SPAG16: variants seen among roughly 807,000 people sequenced by gnomAD.
The protein encoded by SPAG16 is sperm associated antigen 16, also known as sperm-associated antigen 16 protein.
A neutral mutation model predicts 80.4 loss-of-function variants in SPAG16; 86 were observed. The observed-to-expected ratio is 1.07, with a 90% CI of 0.90 to 1.28. The LOEUF (loss-of-function observed/expected upper bound fraction) is 1.28. SPAG16 is among the 50% of genes most tolerant of loss of function. The pLI is 0.00. For synonymous variants in SPAG16, 294 were observed against 265.9 expected, an observed-to-expected ratio of 1.11 and a Z score of -1.03; for missense variants, 870 against 765.3, an observed-to-expected ratio of 1.14 and a Z score of -1.61.
chr2:213,743,208 G>C (rs978104210), intron 10 of SPAG16, among the ~76,000 whole-genome samples: 1 of 152,266 alleles, frequency 6.6e-6, no homozygotes, highest in East Asian at 1.9e-4. Flanking sequence ...CGGCTGTATT[G>C]TTGTTTTTTA....
chr2:213,529,068 C>T (rs959234588), intron 10 of SPAG16, among the ~76,000 whole-genome samples: 1 of 152,060 alleles, frequency 6.6e-6, no homozygotes, highest in Non-Finnish European at 1.5e-5. Context: ...GATAATATTT[C>T]TTTGTAGGAT....
At chr2:213,718,254 A>T (rs950818371) in intron 10 of SPAG16, among the ~76,000 whole-genome samples, 2 of 152,202 alleles carry the variant, frequency 1.3e-5, no homozygotes, top group African/African-American at 4.8e-5. Context: ...AAATGAAAAA[A>T]GCTCATAATC....
chr2:213,787,845 T>C (rs2070439776), intron 10 of SPAG16, among the ~76,000 whole-genome samples: 1 of 152,016 alleles, frequency 6.6e-6, no homozygotes, highest in Non-Finnish European at 1.5e-5. Context: ...CTCTTTTACA[T>C]AGGAATACAA....
At chr2:213,883,945 T>G (rs1163659604) in intron 11 of SPAG16, among the ~76,000 whole-genome samples, 1 of 152,232 alleles carries the variant, frequency 6.6e-6, no homozygotes, top group Non-Finnish European at 1.5e-5. Flanking sequence ...TGGTTGGGTC[T>G]TCTCTTTTTA....
rs1020362198 is a variant in SPAG16 at position 214,013,267 on chromosome 2, G to T, written c.1401-684G>T. On this transcript the variant is annotated intron_variant, in intron 12 of 15. Transcript: ENST00000331683. ...CAATTTGATGTTTCAATACATATCT[G>T]TGGTGTAGAGAGATCCAATCAGGGT... 5.4e-5 allele frequency among the ~76,000 whole-genome samples: 8 copies of T among 149,114 alleles called. No individual in the cohort carries two copies. In the South Asian group the frequency reaches 1.3e-3, roughly 24 times the overall value.
intron 10 of SPAG16, among the ~76,000 whole-genome samples, chr2:213,749,251 A>G (rs1019851251): frequency 9.9e-5 from 15 of 152,102 alleles, no homozygotes; most frequent in Non-Finnish European, 1.9e-4. Flanking sequence ...TTATATTTAT[A>G]TTTATGTTTA....
At chr2:213,951,128 C>G (rs1055147530) in intron 12 of SPAG16, among the ~76,000 whole-genome samples, 1 of 151,852 alleles carries the variant, frequency 6.6e-6, no homozygotes, top group Non-Finnish European at 1.5e-5. Context: ...AATATACAAA[C>G]CTTCAAGCCT....
chr2:213,861,934 T>C (rs1480824377), intron 10 of SPAG16, among the ~76,000 whole-genome samples: 1 of 152,186 alleles, frequency 6.6e-6, no homozygotes, highest in Non-Finnish European at 1.5e-5. Context: ...TAAGTGGTAA[T>C]GTAGGATAGA....
chr2:213,294,893 G>A (rs1315631438), intron 1 of SPAG16, among the ~76,000 whole-genome samples: 1 of 152,178 alleles, frequency 6.6e-6, no homozygotes, highest in Non-Finnish European at 1.5e-5. Flanking sequence ...GGAACCTTAT[G>A]CCTCTGATTC....
intron 9 of SPAG16, among the ~76,000 whole-genome samples, chr2:213,382,358 A>T (rs2067214425): frequency 6.6e-6 from 1 of 152,228 alleles, no homozygotes. Context: ...GCTCATGAAC[A>T]TAGTAGGAGC....
At chr2:213,863,671 G>A (rs1365420343) in intron 11 of SPAG16, among the ~76,000 whole-genome samples, 2 of 151,916 alleles carry the variant, frequency 1.3e-5, no homozygotes, top group African/African-American at 4.8e-5. Context: ...AACCCATGTT[G>A]CAAGCAGAGA....
Position 214,125,514 on chromosome 2 carries a change from GA to G in SPAG16, c.1593+17261del, listed in dbSNP as rs979519800. On this transcript the variant is annotated intron_variant, in intron 14 of 15. Transcript: ENST00000331683. ...AAAGAAATATGATTGTTTTACTAGT[GA>G]AAAAAAATGTAGAATTTCTAAGAAA... 8.9e-4 allele frequency among the ~76,000 whole-genome samples: 134 copies of G among 151,048 alleles called. 1 individual carries two copies. Among genetic ancestry groups the G allele is most frequent in the Admixed American group, 2.3e-3 (34 of 14,822 alleles).
chr2:214,106,582 A>T (rs16851493), intron 13 of SPAG16, among the ~76,000 whole-genome samples: 13,319 of 152,148 alleles, frequency 0.088, 760 homozygotes, highest in East Asian at 0.29. Context: ...CCAAGTAGAG[A>T]TTAGTTTAGT....
chr2:213,796,124 T>G (rs797012398), intron 10 of SPAG16, among the ~76,000 whole-genome samples: 16 of 152,300 alleles, frequency 1.1e-4, no homozygotes, highest in African/African-American at 3.8e-4. Context: ...ATTACAGATC[T>G]TTCGTGGGAT....
chr2:214,116,283 G>T (rs916472817), intron 14 of SPAG16, among the ~76,000 whole-genome samples: 1 of 152,188 alleles, frequency 6.6e-6, no homozygotes, highest in African/African-American at 2.4e-5. Context: ...GCCTCCCTCA[G>T]CTGAGGTTCC....
intron 15 of SPAG16, among the ~76,000 whole-genome samples, chr2:214,363,801 T>C (rs1417472974): frequency 1.3e-5 from 2 of 152,116 alleles, no homozygotes; most frequent in African/African-American, 4.8e-5. Context: ...AGCTAATTTC[T>C]AGGTGAGTAT....
intron 15 of SPAG16, among the ~76,000 whole-genome samples, chr2:214,249,167 A>G (rs1163869100): frequency 2.6e-5 from 4 of 152,182 alleles, no homozygotes; most frequent in Non-Finnish European, 5.9e-5. Context: ...GAAATCCTCA[A>G]AGCTATCAGA....
chr2:213,875,832 C>T (rs745357856), intron 11 of SPAG16, among the ~76,000 whole-genome samples: 7 of 152,000 alleles, frequency 4.6e-5, no homozygotes, highest in Non-Finnish European at 8.8e-5. Flanking sequence ...TATTTTATTA[C>T]GGCTGTAAAT....
intron 15 of SPAG16, among the ~76,000 whole-genome samples, chr2:214,381,069 T>C (rs1475273708): frequency 6.6e-6 from 1 of 152,200 alleles, no homozygotes; most frequent in Non-Finnish European, 1.5e-5. Context: ...GCTACCTTTT[T>C]TTCCCCAGGA....
Sources: gnomAD v4.1 joint callset for allele counts (sites outside exome capture counted in the v4.1 genomes callset) on GRCh38, gnomAD v4.1.1 for gene constraint, MANE v1.5 for transcripts, NCBI Gene and HGNC (gene_info 2026-07-23, HGNC 2026-07-21) for gene names.